The following NUMB variants were observed in gnomAD, a reference collection of about 807,000 sequenced individuals.
NUMB encodes NUMB endocytic adaptor protein, also known as protein numb homolog.
A neutral mutation model predicts 59.7 loss-of-function variants in NUMB; 29 were observed. The ratio of observed to expected loss-of-function variants is 0.49; its 90% CI spans 0.36 to 0.66. The LOEUF is 0.66. Ranked by LOEUF, NUMB falls within the 30% of genes least tolerant of loss-of-function variation. The probability of loss-of-function intolerance (pLI) is 0.00; values close to 1 mark genes in which losing one functional copy is unlikely to be tolerated. For synonymous variants in NUMB, 288 were observed against 288.2 expected (o/e 1.00, Z 0.01); for missense variants, 723 against 822.0 (o/e 0.88, Z 1.47).
intron 2 of NUMB, among the ~76,000 whole-genome samples, chr14:73,396,030 TTTTA>T (rs1414264506): frequency 1.3e-5 from 2 of 152,146 alleles, no homozygotes; most frequent in Non-Finnish European, 2.9e-5. Flanking sequence ...TCTTTTTTAT[TTTTA>T]TTTTTTTTAT....
chr14:73,281,504 C>T (rs1280994360), intron 11 of NUMB: 2 of 152,096 alleles, frequency 1.3e-5, no homozygotes, highest in East Asian at 3.9e-4. Flanking sequence ...AGAAGCAGGG[C>T]ACTATCTCTG....
In NUMB at chr14:73,352,637, C is replaced by T. The variant is rs1157173788; in HGVS notation, c.126+2989G>A. Among the ~76,000 whole-genome samples, 8 of 144,098 alleles carry T rather than the reference C, an allele frequency of 5.6e-5. No individual in the cohort carries two copies. In the East Asian group the frequency reaches 6.1e-4, roughly 11 times the overall value. 94.5% of individuals were successfully genotyped at this position (144,098 alleles called of 152,430 possible). On this transcript the variant is annotated intron_variant, in intron 4 of 12. Coordinates refer to ENST00000555238, the MANE Select transcript of NUMB (RefSeq NM_001005743.2). ...TCAAGCTTCGCCTCCCTGGTTCACG[C>T]GATTCTCCTGCCTCAGCCTCCCGAG...
intron 7 of NUMB, among the ~76,000 whole-genome samples, chr14:73,296,654 T>C (rs928736358): frequency 6.6e-6 from 1 of 152,154 alleles, no homozygotes; most frequent in South Asian, 2.1e-4. Context: ...TATAATACCC[T>C]TCAACAGCTT....
chr14:73,352,648 C>T (rs1893466859), intron 4 of NUMB, among the ~76,000 whole-genome samples: 1 of 145,738 alleles, frequency 6.9e-6, no homozygotes. Flanking sequence ...GATTCTCCTG[C>T]CTCAGCCTCC....
intron 1 of NUMB, among the ~76,000 whole-genome samples, chr14:73,431,144 A>G (rs910447905): frequency 3.3e-5 from 5 of 151,064 alleles, no homozygotes; most frequent in African/African-American, 4.9e-5. Flanking sequence ...TTTAGTAGAG[A>G]TGGGGTTTCA....
intron 7 of NUMB, among the ~76,000 whole-genome samples, 184 bp from the exon 8 acceptor site, chr14:73,293,058 A>C (rs1015664361): frequency 4.6e-5 from 7 of 152,214 alleles, no homozygotes; most frequent in Non-Finnish European, 7.3e-5. Flanking sequence ...CCCAAGAGGC[A>C]CTTTGCCCAG....
At chr14:73,279,188 T>A in intron 12 of NUMB, 93 bp downstream of exon 12, 7 of 1,408,584 alleles carry the variant, frequency 5.0e-6, no homozygotes, top group Non-Finnish European at 7.0e-6. Flanking sequence ...AAAGGATTCC[T>A]CCCTAGTTCC....
chr14:73,420,980 G>A (rs186408392), intron 1 of NUMB, among the ~76,000 whole-genome samples: 14 of 151,658 alleles, frequency 9.2e-5, no homozygotes, highest in Admixed American at 5.3e-4. Context: ...AACAAAATGC[G>A]GAAAAAAAAT....
intron 6 of NUMB, among the ~76,000 whole-genome samples, chr14:73,306,882 C>A (rs555981802): frequency 5.2e-4 from 79 of 152,286 alleles, no homozygotes; most frequent in African/African-American, 1.9e-3. Flanking sequence ...ACAAATTATT[C>A]TAGGTACTGA....
At chr14:73,321,017 CAT>C (rs1891374108) in intron 5 of NUMB, among the ~76,000 whole-genome samples, 1 of 151,666 alleles carries the variant, frequency 6.6e-6, no homozygotes, top group African/African-American at 2.4e-5. Context: ...ATACAATAAA[CAT>C]ATTGCTTATA....
chr14:73,355,450 C>T (rs913662571), intron 4 of NUMB, among the ~76,000 whole-genome samples, 176 bp downstream of exon 4: 3 of 152,130 alleles, frequency 2.0e-5, no homozygotes, highest in Admixed American at 6.5e-5. Flanking sequence ...TAAAATCTAT[C>T]TGTTTTCTTT....
chr14:73,300,167 G>C (rs895401354), intron 6 of NUMB, among the ~76,000 whole-genome samples: 4 of 152,210 alleles, frequency 2.6e-5, no homozygotes, highest in Admixed American at 2.0e-4. Flanking sequence ...AAAGCCAGTG[G>C]AACAATGGAA....
At chr14:73,398,895 G>A (rs921952426) in intron 2 of NUMB, among the ~76,000 whole-genome samples, 10 of 152,068 alleles carry the variant, frequency 6.6e-5, no homozygotes, top group African/African-American at 2.4e-4. Flanking sequence ...GTATATACTA[G>A]AGTAACCTTT....
At position 73,276,711 on chromosome 14, in the gene NUMB, G is replaced by A. The variant is rs774435504; in HGVS notation, c.1823C>T (p.Thr608Ile). The change falls in exon 13 of 13, where the codon ACA becomes ATA. Residue 608 changes from threonine to isoleucine, a missense_variant. Thr to Ile is a moderately conservative substitution (Grantham distance 89). Transcript: ENST00000555238. ...ASADRHTEVP[T>I]GTCPVDPFEA... is the part of the protein sequence containing the mutation. ...AAAAGGATCCACTGGGCAGGTGCCT[G>A]TAGGAACCTCTGTATGCCTGTCTGC... The A allele has an allele frequency of 6.2e-7, 1 of 1,614,140 alleles. No individual in the cohort carries two copies. The highest frequency in any genetic ancestry group is 8.5e-7 in the Non-Finnish European group (1 of 1,179,980).
rs74061120 is a variant in NUMB at position 73,437,849 on chromosome 14, C to T, written c.-233+20644G>A. Among the ~76,000 whole-genome samples the T allele has an allele frequency of 3.9e-3, 600 of 152,202 alleles. 2 individuals carry two copies. Among genetic ancestry groups the T allele is most frequent in the African/African-American group, 0.014 (578 of 41,534 alleles). On this transcript the variant is annotated intron_variant, in intron 1 of 12. Transcript: ENST00000555238. ...CTGAATATTATTCATCCCTAGATTC[C>T]ACATAAGGATCAGGGATCACCCAAA...
chr14:73,457,457 T>C (rs1474155462), intron 1 of NUMB, among the ~76,000 whole-genome samples: 1 of 152,190 alleles, frequency 6.6e-6, no homozygotes, highest in African/African-American at 2.4e-5. Flanking sequence ...ATTTCTCATA[T>C]ATCTACTGTC....
chr14:73,396,584 G>A (rs975654934), intron 2 of NUMB, among the ~76,000 whole-genome samples: 2 of 151,764 alleles, frequency 1.3e-5, no homozygotes, highest in Non-Finnish European at 2.9e-5. Context: ...TACCTGGGCT[G>A]GTCTCAAACT....
chr14:73,444,855 C>A (rs1451440721), intron 1 of NUMB, among the ~76,000 whole-genome samples: 954 of 117,996 alleles, frequency 8.1e-3, no homozygotes, highest in Middle Eastern at 0.02. Context: ...CACTCCGTCT[C>A]AAAAAAAAAA....
intron 1 of NUMB, among the ~76,000 whole-genome samples, chr14:73,418,095 ACT>A (rs1379170093): frequency 4.0e-5 from 6 of 151,262 alleles, no homozygotes; most frequent in Non-Finnish European, 5.9e-5. Context: ...ACAGGGCAAG[ACT>A]CTGTCTCAAA....
Sources: gnomAD v4.1 joint callset for allele counts (sites outside exome capture counted in the v4.1 genomes callset) on GRCh38, gnomAD v4.1.1 for gene constraint, MANE v1.5 for transcripts, NCBI Gene and HGNC (gene_info 2026-07-23, HGNC 2026-07-21) for gene names.